The following TDRD3 variants were observed in gnomAD, a reference collection of about 807,000 sequenced individuals.
The protein encoded by TDRD3 is tudor domain-containing protein 3.
A neutral mutation model predicts 86.7 loss-of-function variants in TDRD3; 45 were observed. The ratio of observed to expected loss-of-function variants is 0.52; its 90% CI spans 0.41 to 0.67. The LOEUF is 0.67. Among genes scored for constraint, TDRD3 ranks in the 30% least tolerant of loss-of-function variants. TDRD3 has a pLI of 0.00. For missense variants in TDRD3, 814 were observed against 889.0 expected (o/e 0.92, Z 1.07); for synonymous variants, 298 against 301.7 (o/e 0.99, Z 0.13).
intron 1 of TDRD3, among the ~76,000 whole-genome samples, chr13:60,413,648 A>C (rs1160453274): frequency 6.6e-6 from 1 of 152,172 alleles, no homozygotes; most frequent in African/African-American, 2.4e-5. Flanking sequence ...TAGTGTTGTC[A>C]GTTAAATACA....
intron 10 of TDRD3, among the ~76,000 whole-genome samples, chr13:60,522,403 A>G (rs1477026385): frequency 6.6e-6 from 1 of 152,148 alleles, no homozygotes; most frequent in African/African-American, 2.4e-5. Context: ...GTCTTTCCTG[A>G]TGTGTCATCA....
intron 12 of TDRD3, 66 bp downstream of exon 12, chr13:60,535,299 T>C: frequency 6.8e-7 from 1 of 1,465,360 alleles, no homozygotes; most frequent in African/African-American, 1.4e-5. Context: ...CTCTAAAGAA[T>C]TAGATAGCCA....
At chr13:60,396,116 G>A (rs113640856), upstream of TDRD3, among the ~76,000 whole-genome samples, 5 of 152,226 alleles carry the variant, frequency 3.3e-5, 1 homozygote, top group South Asian at 2.1e-4. Flanking sequence ...GAGCGCCTCT[G>A]CCCAGTTCCG....
intron 1 of TDRD3, among the ~76,000 whole-genome samples, chr13:60,437,762 G>A (rs941028729): frequency 6.6e-6 from 1 of 151,956 alleles, no homozygotes; most frequent in Middle Eastern, 3.2e-3. Flanking sequence ...AGCTTGGAAA[G>A]CTGTGTTTTT....
intron 7 of TDRD3, among the ~76,000 whole-genome samples, chr13:60,492,415 A>T (rs1956607463): frequency 6.6e-6 from 1 of 152,200 alleles, no homozygotes; most frequent in South Asian, 2.1e-4. Flanking sequence ...ATGTCATTTA[A>T]TTCTCCAAAT....
intron 1 of TDRD3, among the ~76,000 whole-genome samples, chr13:60,427,005 T>A (rs1399019639): frequency 2.0e-5 from 3 of 152,156 alleles, no homozygotes; most frequent in Non-Finnish European, 4.4e-5. Flanking sequence ...GTGTACGTAT[T>A]TATGTATTTA....
At chr13:60,503,796 C>G (rs899581120) in intron 8 of TDRD3, among the ~76,000 whole-genome samples, 4 of 152,136 alleles carry the variant, frequency 2.6e-5, no homozygotes, top group African/African-American at 7.2e-5. Flanking sequence ...TTTCATTAGC[C>G]TTTACTATTA....
intron 1 of TDRD3, among the ~76,000 whole-genome samples, chr13:60,425,162 G>T (rs549299148): frequency 6.6e-6 from 1 of 152,218 alleles, no homozygotes; most frequent in East Asian, 1.9e-4. Flanking sequence ...CTTTGAAACA[G>T]AATACATTAA....
upstream of TDRD3, among the ~76,000 whole-genome samples, chr13:60,396,011 C>T (rs1594879389): frequency 6.6e-6 from 1 of 152,148 alleles, no homozygotes; most frequent in East Asian, 1.9e-4. Context: ...AATACCCCAG[C>T]TGAAATGAGA....
chr13:60,434,332 G>A (rs940344057), intron 1 of TDRD3, among the ~76,000 whole-genome samples: 3 of 151,908 alleles, frequency 2.0e-5, no homozygotes, highest in Admixed American at 1.3e-4. Context: ...AGTGGGCATG[G>A]TGGAGAGTGC....
At chr13:60,517,971 C>T (rs957431956) in intron 10 of TDRD3, among the ~76,000 whole-genome samples, 1 of 152,186 alleles carries the variant, frequency 6.6e-6, no homozygotes, top group Non-Finnish European at 1.5e-5. Context: ...AAAACAAAAA[C>T]CCTGGTCTTT....
At chr13:60,420,832 T>C (rs1954636074) in intron 1 of TDRD3, among the ~76,000 whole-genome samples, 1 of 152,066 alleles carries the variant, frequency 6.6e-6, no homozygotes, top group Non-Finnish European at 1.5e-5. Flanking sequence ...TAGTCCCAGC[T>C]ACTCGGGAGG....
At chr13:60,467,925 A>C (rs1955984480) in intron 5 of TDRD3, among the ~76,000 whole-genome samples, 1 of 152,020 alleles carries the variant, frequency 6.6e-6, no homozygotes, top group South Asian at 2.1e-4. Flanking sequence ...CTGTTGATCC[A>C]TTGCAGTCAA....
rs189480694 is a variant in TDRD3 at position 60,510,658 on chromosome 13, A to G, written c.1044A>G (p.Arg348=). ...RGRGKGRGRI[R]SEDEEDLGNA... ...GAGGAAAAGGCAGGGGGCGAATAAGATCTGAAGATGAAGAGGACCTGGGAA... is the reference window on the plus strand; with the variant it reads ...GAGGAAAAGGCAGGGGGCGAATAAGGTCTGAAGATGAAGAGGACCTGGGAA... The change falls in exon 10 of 14, where the codon AGA becomes AGG. Residue 348 remains arginine (R), a synonymous_variant. Coordinates refer to ENST00000377881, the MANE Select transcript of TDRD3 (RefSeq NM_001146070.2). The G allele has an allele frequency of 2.6e-5, 41 of 1,604,744 alleles. No homozygotes were observed. In the East Asian group the frequency reaches 8.8e-4, roughly 34 times the overall value.
rs147530468 is a variant in TDRD3, at chr13:60,485,799, A to C, written c.568A>C (p.Lys190Gln). Reference protein sequence around the residue: ...GPPPFVPFGQKCVSHVQVDSR... With the variant: ...GPPPFVPFGQQCVSHVQVDSR... ...GACTTATTCTTACTTGTTTTACTAG[A>C]AGTGTGTATCTCATGTCCAAGTGGA... Residue 190 changes from lysine to glutamine, a missense_variant and splice_region_variant, in exon 7 of 14, where the codon AAG becomes CAG. Transcript: ENST00000377881. 11 of 1,583,518 alleles carry C rather than the reference A, an allele frequency of 6.9e-6. No individual in the cohort carries two copies. The highest frequency in any genetic ancestry group is 8.6e-6 in the Non-Finnish European group (10 of 1,167,156).
At chr13:60,483,392 T>G (rs1956497319) in intron 5 of TDRD3, among the ~76,000 whole-genome samples, 1 of 152,120 alleles carries the variant, frequency 6.6e-6, no homozygotes, top group African/African-American at 2.4e-5. Flanking sequence ...TCTAAAAAAT[T>G]TATTTTTGAA....
At chr13:60,398,026 C>T (rs1331536383) in intron 1 of TDRD3, among the ~76,000 whole-genome samples, 1 of 152,196 alleles carries the variant, frequency 6.6e-6, no homozygotes, top group Non-Finnish European at 1.5e-5. Flanking sequence ...CGTGGGGGTG[C>T]TCGGTAGAAC....
chr13:60,468,242 T>G (rs1287927649), intron 5 of TDRD3, among the ~76,000 whole-genome samples: 2 of 152,172 alleles, frequency 1.3e-5, no homozygotes, highest in Admixed American at 1.3e-4. Flanking sequence ...ATGGAGTTGC[T>G]TCGTCTTTCT....
At chr13:60,453,592 A>T (rs192802992) in intron 3 of TDRD3, among the ~76,000 whole-genome samples, 2 of 152,308 alleles carry the variant, frequency 1.3e-5, no homozygotes, top group Admixed American at 6.5e-5. Flanking sequence ...TGTTTAACCG[A>T]GGTTCTTGAC....
Sources: allele counts gnomAD v4.1 joint callset (sites outside exome capture counted in the v4.1 genomes callset), GRCh38; gene constraint gnomAD v4.1.1; transcripts MANE v1.5; gene names NCBI Gene and HGNC (gene_info 2026-07-23, HGNC 2026-07-21).